SENP2: variants seen among roughly 807,000 people sequenced by gnomAD.
SENP2 encodes the protein sentrin-specific protease 2.
A neutral mutation model predicts 86.3 loss-of-function variants in SENP2; 16 were observed. The ratio of observed to expected loss-of-function variants is 0.19; its 90% CI spans 0.13 to 0.28. SENP2 has a LOEUF of 0.28. Among genes scored for constraint, SENP2 ranks in the 10% least tolerant of loss-of-function variants. SENP2 has a pLI of 1.00. For missense variants in SENP2, 552 were observed against 703.0 expected (o/e 0.79, Z 2.43); for synonymous variants, 222 against 238.7 (o/e 0.93, Z 0.64).
At position 185,609,326 on chromosome 3, in the gene SENP2, G is replaced by A. The variant is rs1286640039; in HGVS notation, c.698G>A (p.Cys233Tyr). ...LKESGHGNSV[C>Y]PVTSNYHSSQ... ...GAAAGTGGTCATGGAAACTCTGTCT[G>A]TCCTGTAACTTCAAATTATCACAGG... Residue 233 changes from cysteine (C) to tyrosine (Y), a missense_variant, in exon 7 of 17, where the codon TGT (cysteine) becomes TAT (tyrosine). By Grantham distance (194) the Cys-to-Tyr change is radical (BLOSUM62 -2). Transcript: ENST00000296257. 1.2e-6 allele frequency: 2 copies of A among 1,612,786 alleles called. No individual in the cohort carries two copies. The highest frequency in any genetic ancestry group is 3.3e-5 in the Admixed American group (2 of 59,982).
chr3:185,614,500 T>C, intron 10 of SENP2, 64 bp from the exon 11 acceptor site: 1 of 1,423,116 alleles, frequency 7.0e-7, no homozygotes, highest in Non-Finnish European at 9.6e-7. Flanking sequence ...ATTTCATGTG[T>C]AATCTGTGTT....
chr3:185,589,446 AT>A (rs1272878567), intron 1 of SENP2, among the ~76,000 whole-genome samples: 1 of 152,186 alleles, frequency 6.6e-6, no homozygotes, highest in Admixed American at 6.6e-5. Context: ...TTTTTAAATC[AT>A]TTCTGGAGCG....
intron 14 of SENP2, among the ~76,000 whole-genome samples, chr3:185,622,352 A>C (rs137929876): frequency 1.2e-3 from 183 of 152,284 alleles, no homozygotes; most frequent in African/African-American, 4.2e-3. Context: ...ATAGAAACCA[A>C]TCTTTAAAGC....
intron 2 of SENP2, among the ~76,000 whole-genome samples, chr3:185,596,156 G>A (rs1722165941): frequency 6.6e-6 from 1 of 151,990 alleles, no homozygotes; most frequent in Non-Finnish European, 1.5e-5. Context: ...AGTAGAGACG[G>A]TTTCGCCATG....
chr3:185,611,987 T>C (rs1174538053), intron 8 of SENP2, among the ~76,000 whole-genome samples: 1 of 152,054 alleles, frequency 6.6e-6, no homozygotes, highest in African/African-American at 2.4e-5. Flanking sequence ...TAAAACCCCA[T>C]CTCTACTAAA....
At chr3:185,625,961 A>C (rs1346151802) in intron 15 of SENP2, among the ~76,000 whole-genome samples, 1 of 152,050 alleles carries the variant, frequency 6.6e-6, no homozygotes, top group East Asian at 1.9e-4. Context: ...CGGGTCATGC[A>C]CTCCATCTCA....
intron 1 of SENP2, among the ~76,000 whole-genome samples, chr3:185,587,396 G>C (rs1322638667): frequency 6.6e-6 from 1 of 152,104 alleles, no homozygotes; most frequent in African/African-American, 2.4e-5. Flanking sequence ...GCCTTTGGAA[G>C]TGCTGGGACT....
rs1423149867 is a variant in SENP2 at position 185,629,858 on chromosome 3, G to C, written c.*14G>C. The C allele has an allele frequency of 1.2e-6, 2 of 1,613,444 alleles. No individual in the cohort carries two copies. The highest frequency in any genetic ancestry group is 4.5e-5 in the East Asian group (2 of 44,864). On this transcript the variant is annotated 3_prime_UTR_variant, in exon 17 of 17. Transcript: ENST00000296257. ...CAGTTGCTGTGAGAAAACTTTGCCT[G>C]GTCCCTCTAGCTGCTGGTGGTTCTT... is the stretch of plus-strand genomic sequence containing the variant.
At position 185,611,693 on chromosome 3, in the gene SENP2, G is replaced by T. The variant is rs1385016982; in HGVS notation, c.765G>T (p.Trp255Cys). The change falls in exon 8 of 17, where the codon TGG becomes TGT. Residue 255 changes from tryptophan to cysteine, a missense_variant. By Grantham distance (215) the Trp-to-Cys change is radical. Coordinates refer to ENST00000296257, the MANE Select transcript of SENP2 (RefSeq NM_021627.3). ...SQMDTLKTKG[W>C]GEEQNHGVKT... Reference sequence around the variant, plus strand: ...TGGACACATTAAAGACCAAAGGCTGGGGGGAAGAGCAAAATCACGGAGTCA... The same window carrying T: ...TGGACACATTAAAGACCAAAGGCTGTGGGGAAGAGCAAAATCACGGAGTCA... 1.7e-5 allele frequency: 27 copies of T among 1,613,532 alleles called. No homozygotes were observed. The highest frequency in any genetic ancestry group is 2.3e-5 in the Non-Finnish European group (27 of 1,179,884).
chr3:185,627,083 C>CAAAAAA (rs34406883), intron 16 of SENP2, among the ~76,000 whole-genome samples: 4 of 75,560 alleles, frequency 5.3e-5, no homozygotes, highest in African/African-American at 5.2e-5. Context: ...AACCCTGTCT[C>CAAAAAA]AAAAAAAAAA....
chr3:185,606,475 C>T lies in SENP2; in HGVS notation c.595C>T (p.Arg199Cys), dbSNP rs749658679. 6.2e-6 allele frequency: 10 copies of T among 1,610,860 alleles called. No homozygotes were observed. Among genetic ancestry groups the T allele is most frequent in the African/African-American group, 2.7e-5 (2 of 74,580 alleles). ...ISEESGKGLR[R>C]PHCTVEEGVQ... is the part of the protein sequence containing the mutation. Reference sequence around the variant, plus strand: ...TGAAGAGAGTGGCAAGGGTCTGAGGCGTCCCCATTGTACTGTGGAGGAGGT... The same window carrying T: ...TGAAGAGAGTGGCAAGGGTCTGAGGTGTCCCCATTGTACTGTGGAGGAGGT... Residue 199 changes from arginine (R) to cysteine (C), a missense_variant, in exon 6 of 17, where the codon CGT becomes TGT. By Grantham distance (180) the Arg-to-Cys change is radical. Transcript: ENST00000296257.
chr3:185,617,431 A>G, intron 11 of SENP2, 49 bp from the exon 12 acceptor site: 1 of 1,508,702 alleles, frequency 6.6e-7, no homozygotes, highest in Non-Finnish European at 8.9e-7. Flanking sequence ...AATAACTGAT[A>G]ATGAATGGTT....
intron 8 of SENP2, chr3:185,612,280 T>C (rs1722725449): frequency 4.6e-6 from 1 of 215,616 alleles, no homozygotes; most frequent in African/African-American, 2.3e-5. Flanking sequence ...TGCTAGATAG[T>C]AGCAACTATT....
At chr3:185,618,554 C>T (rs973171994) in intron 12 of SENP2, among the ~76,000 whole-genome samples, 4 of 152,072 alleles carry the variant, frequency 2.6e-5, no homozygotes, top group Admixed American at 2.0e-4. Flanking sequence ...TTGGAAAATA[C>T]AGGAAAAGTA....
intron 13 of SENP2, among the ~76,000 whole-genome samples, chr3:185,621,204 A>G (rs1003106463): frequency 6.9e-6 from 1 of 145,512 alleles, no homozygotes; most frequent in African/African-American, 2.5e-5. Flanking sequence ...GAAAAGAAGG[A>G]AAGAAAGATA....
At chr3:185,591,444 C>T (rs540398766) in intron 2 of SENP2, among the ~76,000 whole-genome samples, 3 of 152,058 alleles carry the variant, frequency 2.0e-5, no homozygotes, top group Admixed American at 6.5e-5. Flanking sequence ...CTCCACCTCC[C>T]GGGTTCACAC....
Position 185,591,854 on chromosome 3 carries a change from C to G in SENP2, c.157+1685C>G, listed in dbSNP as rs1334256037. Among the ~76,000 whole-genome samples, 4 of 151,774 alleles carry G rather than the reference C, an allele frequency of 2.6e-5. 1 individual carries two copies. The highest frequency in any genetic ancestry group is 5.9e-5 in the Non-Finnish European group (4 of 67,958). ...CCAGGTGATCCTTCCATCTCAGCCT[C>G]CCAAGTAGTTGGTTGGGCCTACAGG... On this transcript the variant is annotated intron_variant, in intron 2 of 16. Transcript: ENST00000296257.
chr3:185,592,638 A>G (rs1722045006), intron 2 of SENP2, among the ~76,000 whole-genome samples: 1 of 145,812 alleles, frequency 6.9e-6, no homozygotes, highest in Non-Finnish European at 1.5e-5. Context: ...TTTTTTTGAG[A>G]TGGAGTCTTG....
intron 16 of SENP2, 143 bp from the exon 17 acceptor site, chr3:185,629,639 A>G: frequency 1.4e-6 from 1 of 740,246 alleles, no homozygotes; most frequent in Non-Finnish European, 2.3e-6. Flanking sequence ...AAATGGTTTT[A>G]TAAGTATGTT....
Sources: allele counts gnomAD v4.1 joint callset (sites outside exome capture counted in the v4.1 genomes callset), GRCh38; gene constraint gnomAD v4.1.1; transcripts MANE v1.5; gene names NCBI Gene and HGNC (gene_info 2026-07-23, HGNC 2026-07-21).